Variants in PTPRD observed in about 807,000 individuals in gnomAD.
PTPRD encodes the protein receptor-type tyrosine-protein phosphatase delta.
PTPRD carries 34 observed loss-of-function variants against 214.5 expected under a neutral mutation model. The ratio of observed to expected loss-of-function variants is 0.16; its 90% CI spans 0.12 to 0.21. The LOEUF is 0.21. PTPRD is among the 10% of genes least tolerant of loss of function. The pLI, the probability that PTPRD is intolerant of heterozygous loss-of-function variation, is 1.00. For synonymous variants in PTPRD, 1,128 were observed against 845.7 expected (o/e 1.33, Z -5.79); for missense variants, 2,545 against 2,398.7 (o/e 1.06, Z -1.27).
intron 8 of PTPRD, among the ~76,000 whole-genome samples, chr9:9,464,181 C>G (rs550364923): frequency 5.3e-5 from 8 of 152,132 alleles, no homozygotes; most frequent in Non-Finnish European, 8.8e-5. Flanking sequence ...TGCTTTCTCT[C>G]CAGTGAGCAA....
intron 7 of PTPRD, among the ~76,000 whole-genome samples, chr9:9,651,749 T>C (rs2096358636): frequency 6.6e-6 from 1 of 151,694 alleles, no homozygotes; most frequent in Non-Finnish European, 1.5e-5. Context: ...ATTCATTGGG[T>C]ATATATCCAT....
intron 10 of PTPRD, among the ~76,000 whole-genome samples, chr9:9,063,036 C>T (rs1262349275): frequency 1.3e-5 from 2 of 152,078 alleles, no homozygotes; most frequent in African/African-American, 2.4e-5. Context: ...CTTATCTGGG[C>T]AGTATGTCTA....
chr9:9,267,184 A>G (rs566928779), intron 9 of PTPRD, among the ~76,000 whole-genome samples: 80 of 151,444 alleles, frequency 5.3e-4, no homozygotes, highest in Admixed American at 8.6e-4. Context: ...CAGTTAATAC[A>G]TAAAGAGCAA....
chr9:10,360,528 C>T (rs894712574), intron 2 of PTPRD, among the ~76,000 whole-genome samples: 2 of 152,202 alleles, frequency 1.3e-5, no homozygotes, highest in Non-Finnish European at 2.9e-5. Flanking sequence ...TTGGAAAGGA[C>T]ATAGAGTTGT....
chr9:9,152,824 GA>G (rs2099878002), intron 10 of PTPRD, among the ~76,000 whole-genome samples: 2 of 152,278 alleles, frequency 1.3e-5, no homozygotes, highest in African/African-American at 4.8e-5. Context: ...GGGCATATGA[GA>G]AATGAACCAG....
At chr9:8,673,005 A>G (rs2097319078) in intron 12 of PTPRD, among the ~76,000 whole-genome samples, 1 of 152,172 alleles carries the variant, frequency 6.6e-6, no homozygotes, top group Non-Finnish European at 1.5e-5. Flanking sequence ...TCCATTTCCT[A>G]TATTAAAATG....
chr9:9,804,935 T>C (rs1430051287), intron 5 of PTPRD, among the ~76,000 whole-genome samples: 1 of 152,016 alleles, frequency 6.6e-6, no homozygotes, highest in Non-Finnish European at 1.5e-5. Context: ...GGTGAAAATG[T>C]GATCATGCAT....
At chr9:8,500,557 TGA>T (rs2097373617) in intron 24 of PTPRD, among the ~76,000 whole-genome samples, 195 bp downstream of exon 24, 1 of 4,348 alleles carries the variant, frequency 2.3e-4, no homozygotes, top group Non-Finnish European at 4.6e-4. Context: ...TTGAAAAAAA[TGA>T]AAAAAAAAAA....
At chr9:10,068,952 G>C (rs532045905) in intron 3 of PTPRD, among the ~76,000 whole-genome samples, 1 of 151,922 alleles carries the variant, frequency 6.6e-6, no homozygotes, top group Admixed American at 6.6e-5. Flanking sequence ...ACTTCTTTCA[G>C]GTTCAGTTTA....
At chr9:9,544,832 T>C (rs761992884) in intron 8 of PTPRD, among the ~76,000 whole-genome samples, 47 of 151,856 alleles carry the variant, frequency 3.1e-4, no homozygotes, top group Admixed American at 3.9e-4. Context: ...TTTATTATAG[T>C]TCAACTATAA....
intron 8 of PTPRD, among the ~76,000 whole-genome samples, chr9:9,423,009 T>A (rs115753448): frequency 6.6e-6 from 1 of 152,090 alleles, no homozygotes; most frequent in Non-Finnish European, 1.5e-5. Context: ...AACACAAAGT[T>A]TGGGGAAACC....
chr9:8,623,805 T>G (rs2095901833), intron 14 of PTPRD, among the ~76,000 whole-genome samples: 1 of 151,812 alleles, frequency 6.6e-6, no homozygotes, highest in South Asian at 2.1e-4. Flanking sequence ...GGATTTGAAC[T>G]CGGGTCTGTC....
At chr9:10,608,997 T>C (rs2080229094) in intron 2 of PTPRD, among the ~76,000 whole-genome samples, 1 of 152,138 alleles carries the variant, frequency 6.6e-6, no homozygotes, top group African/African-American at 2.4e-5. Flanking sequence ...TCAAATGGCA[T>C]TGAACTGGGT....
chr9:9,654,162 G>A (rs143196432), intron 7 of PTPRD, among the ~76,000 whole-genome samples: 24 of 152,090 alleles, frequency 1.6e-4, no homozygotes, highest in African/African-American at 4.8e-4. Flanking sequence ...TTTCTTTGCC[G>A]TATAATGTAA....
intron 2 of PTPRD, among the ~76,000 whole-genome samples, chr9:10,449,940 C>A (rs995427987): frequency 6.6e-6 from 1 of 151,656 alleles, no homozygotes; most frequent in Non-Finnish European, 1.5e-5. Flanking sequence ...TATAACCTTA[C>A]CCCCAACCCC....
At chr9:9,088,320 G>A (rs1180936910) in intron 10 of PTPRD, among the ~76,000 whole-genome samples, 1 of 145,904 alleles carries the variant, frequency 6.9e-6, no homozygotes, top group Admixed American at 6.8e-5. Flanking sequence ...GGGTGCGGTG[G>A]CTCACGCCTG....
At chr9:9,151,306 A>G (rs975702666) in intron 10 of PTPRD, among the ~76,000 whole-genome samples, 1 of 152,152 alleles carries the variant, frequency 6.6e-6, no homozygotes, top group Non-Finnish European at 1.5e-5. Flanking sequence ...AAGCAATGAT[A>G]TTGCACATCC....
intron 5 of PTPRD, among the ~76,000 whole-genome samples, chr9:9,858,387 A>T (rs1360473245): frequency 6.6e-6 from 1 of 152,188 alleles, no homozygotes; most frequent in Non-Finnish European, 1.5e-5. Context: ...ACCTGCTTCA[A>T]CCTTCTCTGC....
intron 3 of PTPRD, among the ~76,000 whole-genome samples, chr9:10,060,828 CTTCCTTCCTTCCTTCCTTTCCTT>C (rs2097755152): frequency 8.8e-6 from 1 of 113,070 alleles, no homozygotes; most frequent in African/African-American, 5.6e-5. Context: ...TTCTTTCTTT[CTTCCTTCCTTCCTTCCTTTCCTT>C]TCTTTCTTCC....
Sources: allele counts gnomAD v4.1 joint callset (sites outside exome capture counted in the v4.1 genomes callset), GRCh38; gene constraint gnomAD v4.1.1; transcripts MANE v1.5; gene names NCBI Gene and HGNC (gene_info 2026-07-23, HGNC 2026-07-21).